Variants in NEK1 observed in about 807,000 individuals in gnomAD.
The protein encoded by NEK1 is serine/threonine-protein kinase Nek1.
In NEK1, 137 loss-of-function variants were observed where a neutral mutation model predicts 182.1. The ratio of observed to expected loss-of-function variants is 0.75; its 90% confidence interval spans 0.65 to 0.87. The LOEUF (loss-of-function observed/expected upper bound fraction) is 0.87, where lower values mean the gene tolerates loss of function less well. Ranked by LOEUF, NEK1 falls within the 40% of genes least tolerant of loss-of-function variation. NEK1 has a pLI of 0.00. For synonymous variants in NEK1, 513 were observed against 492.2 expected (o/e 1.04, Z -0.56); for missense variants, 1,391 against 1,494.4 (o/e 0.93, Z 1.14).
At chr4:169,540,284 G>T (rs1759192746) in intron 18 of NEK1, among the ~76,000 whole-genome samples, 1 of 152,068 alleles carries the variant, frequency 6.6e-6, no homozygotes, top group Non-Finnish European at 1.5e-5. Context: ...GGGAGGCAAG[G>T]TTGGTTCAAC....
At position 169,433,716 on chromosome 4, in the gene NEK1, A is replaced by G; in HGVS notation, c.2765-51T>C. The stretch of plus-strand genomic sequence containing the variant: ...ACATCTCAAAGCAAAATTTGTCAAG[A>G]GAATATTGAATAAACTTGCTATAAA... On this transcript the variant is annotated intron_variant, in intron 28 of 35. Coordinates refer to ENST00000507142, the MANE Select transcript of NEK1 (RefSeq NM_001199397.3). The G allele has an allele frequency of 7.0e-6, 11 of 1,572,506 alleles. No individual in the cohort carries two copies. The South Asian group carries it at 1.2e-4, about 18-fold the overall frequency.
At chr4:169,561,430 G>A (rs748389326) in intron 16 of NEK1, 50 bp downstream of exon 16, 40 of 1,482,360 alleles carry the variant, frequency 2.7e-5, no homozygotes, top group Non-Finnish European at 3.7e-5. Flanking sequence ...GAACAAGGTG[G>A]AACTGGAGGG....
chr4:169,475,940 G>C (rs1254306968), intron 26 of NEK1, among the ~76,000 whole-genome samples: 1 of 152,006 alleles, frequency 6.6e-6, no homozygotes, highest in African/African-American at 2.4e-5. Flanking sequence ...AAAGTAAAAA[G>C]AGCACCACTG....
intron 31 of NEK1, among the ~76,000 whole-genome samples, chr4:169,419,594 G>A (rs781339872): frequency 3.3e-5 from 5 of 152,138 alleles, no homozygotes; most frequent in South Asian, 4.1e-4. Context: ...ACAATACCAC[G>A]AAGGACAGGC....
In NEK1 at chr4:169,464,558, A is replaced by G. The variant is rs190241110; in HGVS notation, c.2435-1163T>C. On this transcript the variant is annotated intron_variant, in intron 26 of 35. Coordinates refer to ENST00000507142, the MANE Select transcript of NEK1 (RefSeq NM_001199397.3). ...ATGTGGGGGTGTCACACTGGTACTCAAAAGTTTCAGATTTTGGGGCATTTT... is the reference window on the plus strand; with the variant it reads ...ATGTGGGGGTGTCACACTGGTACTCGAAAGTTTCAGATTTTGGGGCATTTT... Among the ~76,000 whole-genome samples the G allele has an allele frequency of 1.2e-3, 187 of 152,272 alleles. 1 individual carries two copies. The highest frequency in any genetic ancestry group is 3.9e-3 in the African/African-American group (163 of 41,556).
chr4:169,558,854 A>G (rs1391603513), intron 16 of NEK1, among the ~76,000 whole-genome samples: 1 of 152,196 alleles, frequency 6.6e-6, no homozygotes, highest in East Asian at 1.9e-4. Context: ...ACGTAATAAT[A>G]GTATTAATTT....
Position 169,590,721 on chromosome 4 carries a change from C to A in NEK1, c.396+5G>T. 1 of 1,573,640 alleles carries A rather than the reference C, an allele frequency of 6.4e-7. No individual in the cohort carries two copies. The highest frequency in any genetic ancestry group is 8.7e-7 in the Non-Finnish European group (1 of 1,154,924). On this transcript the variant is annotated splice_donor_5th_base_variant and intron_variant, in intron 6 of 35. Transcript: ENST00000507142. ...TCAGAAGTTATCAGTGACAGAATAA[C>A]ATACCTGAGATTTAATGTCTCGATG...
chr4:169,600,817 T>C (rs1032057451), intron 4 of NEK1, among the ~76,000 whole-genome samples: 2 of 152,216 alleles, frequency 1.3e-5, no homozygotes, highest in African/African-American at 4.8e-5. Flanking sequence ...TGCTAGCATG[T>C]ATTCTTCTAA....
chr4:169,404,160 A>G (rs1480752531), intron 32 of NEK1, among the ~76,000 whole-genome samples: 1 of 152,166 alleles, frequency 6.6e-6, no homozygotes, highest in Admixed American at 6.5e-5. Context: ...AATTTTTGGG[A>G]AAAAAATTTT....
At position 169,609,312 on chromosome 4, in the gene NEK1, G is replaced by A. The variant is rs141837611; in HGVS notation, c.-49+2708C>T. On this transcript the variant is annotated intron_variant, in intron 2 of 35. Transcript: ENST00000507142. ...TGGCAACATCTACCAAAATTATAAG[G>A]GGACAGAAACTTTGATGTAGTGATT... Among the ~76,000 whole-genome samples, 5 of 152,110 alleles carry A rather than the reference G, an allele frequency of 3.3e-5. No homozygotes were observed. The East Asian group carries it at 9.7e-4, about 29-fold the overall frequency.
intron 28 of NEK1, among the ~76,000 whole-genome samples, chr4:169,437,646 T>C (rs1278323538): frequency 2.6e-5 from 4 of 152,146 alleles, no homozygotes; most frequent in Non-Finnish European, 5.9e-5. Context: ...AGTCAGACTA[T>C]CCTGCCAGAA....
At position 169,477,273 on chromosome 4, in the gene NEK1, T is replaced by G; in HGVS notation, c.2285A>C (p.Asp762Ala). The part of the protein sequence containing the change: ...EDEKGKQNLS[D>A]TFEINVHEDA... ...TTCATGAACATTTATCTCAAAAGTA[T>G]CAGAGAGATTCTGCTTTCCTTTTTC... Residue 762 changes from aspartate (D) to alanine (A), a missense_variant, in exon 26 of 36, where the codon GAT becomes GCT. Around this residue, in one of 5 missense-constraint regions of NEK1, gnomAD observed 1,216 missense variants for 1,277.6 expected, o/e 0.95. Transcript: ENST00000507142. 1 of 1,596,296 alleles carries G rather than the reference T, an allele frequency of 6.3e-7. No individual in the cohort carries two copies. Among genetic ancestry groups the G allele is most frequent in the Non-Finnish European group, 8.5e-7 (1 of 1,169,698 alleles).
At chr4:169,535,216 G>A (rs1758278670) in intron 19 of NEK1, among the ~76,000 whole-genome samples, 1 of 151,976 alleles carries the variant, frequency 6.6e-6, no homozygotes, top group Admixed American at 6.6e-5. Flanking sequence ...CCAGCTGCTC[G>A]GGAGGCTGAG....
chr4:169,445,829 TAAAAC>T (rs1268892945), intron 27 of NEK1, among the ~76,000 whole-genome samples: 22 of 142,926 alleles, frequency 1.5e-4, no homozygotes, highest in Non-Finnish European at 2.5e-4. Flanking sequence ...CCACTAAACT[TAAAAC>T]AAAACAACTA....
chr4:169,593,942 T>C (rs545567105), intron 5 of NEK1, among the ~76,000 whole-genome samples: 8 of 148,744 alleles, frequency 5.4e-5, no homozygotes, highest in South Asian at 2.1e-4. Context: ...TGAGCCGAGA[T>C]CGCACCACTG....
At chr4:169,413,901 C>T (rs771178934) in intron 31 of NEK1, among the ~76,000 whole-genome samples, 2 of 152,244 alleles carry the variant, frequency 1.3e-5, no homozygotes, top group East Asian at 3.9e-4. Flanking sequence ...CCTGTAATCC[C>T]AGCTGCTTGG....
Position 169,530,709 on chromosome 4 carries a change from G to A in NEK1, c.1665+7100C>T, listed in dbSNP as rs531999085. Among the ~76,000 whole-genome samples the A allele has an allele frequency of 8.6e-5, 13 of 151,528 alleles. No individual in the cohort carries two copies. The East Asian group carries it at 2.3e-3, about 27-fold the overall frequency. On this transcript the variant is annotated intron_variant, in intron 19 of 35. Transcript: ENST00000507142. ...ATATAAAATGGTTGCCAAGGTGTTGGGGGTAGAACGAGAGATGTGACTACA... is the reference window on the plus strand; with the variant it reads ...ATATAAAATGGTTGCCAAGGTGTTGAGGGTAGAACGAGAGATGTGACTACA...
intron 16 of NEK1, among the ~76,000 whole-genome samples, chr4:169,559,807 C>T (rs564058270): frequency 3.3e-5 from 5 of 152,158 alleles, no homozygotes; most frequent in South Asian, 4.2e-4. Flanking sequence ...GTCGGGAGTT[C>T]GAGACCAGCC....
chr4:169,439,409 T>C (rs1739014021), intron 27 of NEK1, among the ~76,000 whole-genome samples: 1 of 152,240 alleles, frequency 6.6e-6, no homozygotes, highest in South Asian at 2.1e-4. Flanking sequence ...TTTACTTCTT[T>C]CTAGTCAACA....
Sources: gnomAD v4.1 joint callset for allele counts (sites outside exome capture counted in the v4.1 genomes callset) on GRCh38, gnomAD v4.1.1 for gene constraint, gnomAD v4.1.1 regional missense constraint, MANE v1.5 for transcripts, NCBI Gene and HGNC (gene_info 2026-07-23, HGNC 2026-07-21) for gene names.